KANK1: variants seen among roughly 807,000 people sequenced by gnomAD.
The protein encoded by KANK1 is KN motif and ankyrin repeat domains 1, also known as KN motif and ankyrin repeat domain-containing protein 1.
In KANK1, 109 loss-of-function variants were observed where a neutral mutation model predicts 106.2. The ratio of observed to expected loss-of-function variants is 1.03; its 90% confidence interval spans 0.88 to 1.20. The LOEUF (loss-of-function observed/expected upper bound fraction) is 1.20, where lower values mean the gene tolerates loss of function less well. Ranked by LOEUF, KANK1 falls within the 50% of genes most tolerant of loss-of-function variation. The pLI is 0.00. For synonymous variants in KANK1, 873 were observed against 652.2 expected (o/e 1.34, Z -5.16); for missense variants, 2,399 against 1,710.7 (o/e 1.40, Z -7.10).
chr9:581,841 T>A (rs1425467446), intron 1 of KANK1, among the ~76,000 whole-genome samples: 1 of 152,112 alleles, frequency 6.6e-6, no homozygotes, highest in Non-Finnish European at 1.5e-5. Flanking sequence ...TTTGTCAGCA[T>A]CCAGCCATCC....
chr9:606,142 T>TACACACACAC (rs3028170), intron 1 of KANK1, among the ~76,000 whole-genome samples: 15 of 141,754 alleles, frequency 1.1e-4, no homozygotes, highest in African/African-American at 3.6e-4. Context: ...CACATATTCC[T>TACACACACAC]ACACACACAC....
intron 3 of KANK1, among the ~76,000 whole-genome samples, chr9:729,145 C>T (rs920620227): frequency 3.3e-5 from 5 of 152,164 alleles, no homozygotes; most frequent in South Asian, 2.1e-4. Context: ...CAAATTGCTT[C>T]GGTCAGTATA....
intron 1 of KANK1, among the ~76,000 whole-genome samples, chr9:635,625 GA>G (rs1443967032): frequency 1.3e-5 from 2 of 149,168 alleles, no homozygotes; most frequent in Non-Finnish European, 3.0e-5. Context: ...AGTAGAATAA[GA>G]AAAAGTTAAT....
chr9:548,027 TCTTC>T (rs2061038879), intron 1 of KANK1, among the ~76,000 whole-genome samples: 1 of 152,212 alleles, frequency 6.6e-6, no homozygotes. Context: ...AAATCCATAA[TCTTC>T]CTTCATAACT....
At position 602,023 on chromosome 9, in the gene KANK1, G is replaced by T. The variant is rs188119683; in HGVS notation, c.-83-74867G>T. 3.3e-5 allele frequency among the ~76,000 whole-genome samples: 5 copies of T among 151,876 alleles called. No individual in the cohort carries two copies. In the East Asian group the frequency reaches 9.7e-4, roughly 29 times the overall value. Reference sequence around the variant, plus strand: ...CTGAAACTCGTTTTTAACACTTCTAGGTAGTCAGTCACTTTGATGTAAAGT... The same window carrying T: ...CTGAAACTCGTTTTTAACACTTCTATGTAGTCAGTCACTTTGATGTAAAGT... On this transcript the variant is annotated intron_variant, in intron 1 of 11. Coordinates refer to ENST00000382297, the MANE Select transcript of KANK1 (RefSeq NM_015158.5).
intron 3 of KANK1, among the ~76,000 whole-genome samples, chr9:482,675 G>A (rs115223678): frequency 1.5e-3 from 234 of 152,330 alleles, no homozygotes; most frequent in African/African-American, 5.3e-3. Flanking sequence ...ATATGGATGT[G>A]TAAATGCACC....
rs570931211 is a variant in KANK1 at position 683,893 on chromosome 9, G to A, written c.37+6884G>A. ...GTCTTTTGAAGGCTAATTTCACGCTGAAATTTATAGATGAAATAATTTTCT... is the reference window on the plus strand; with the variant it reads ...GTCTTTTGAAGGCTAATTTCACGCTAAAATTTATAGATGAAATAATTTTCT... On this transcript the variant is annotated intron_variant, in intron 2 of 11. Coordinates refer to ENST00000382297, the MANE Select transcript of KANK1 (RefSeq NM_015158.5). Among the ~76,000 whole-genome samples, 153 of 152,174 alleles carry A rather than the reference G, an allele frequency of 1.0e-3. 1 individual carries two copies. The highest frequency in any genetic ancestry group is 1.6e-3 in the Non-Finnish European group (111 of 68,034).
intron 1 of KANK1, among the ~76,000 whole-genome samples, chr9:656,834 C>G (rs555688662): frequency 5.3e-5 from 8 of 152,088 alleles, no homozygotes; most frequent in Non-Finnish European, 7.4e-5. Context: ...GCAGCTTGAC[C>G]TTTAGTGTGA....
chr9:522,980 A>G (rs1033413669), intron 1 of KANK1, among the ~76,000 whole-genome samples: 15 of 151,768 alleles, frequency 9.9e-5, no homozygotes, highest in Non-Finnish European at 2.2e-4. Context: ...TGGATAATGC[A>G]AAACATGATC....
chr9:588,068 G>GAA (rs200074474), intron 1 of KANK1, among the ~76,000 whole-genome samples: 2 of 46,168 alleles, frequency 4.3e-5, no homozygotes, highest in Non-Finnish European at 8.1e-5. Flanking sequence ...TTGGTCTCAA[G>GAA]AAAAAAAAAA....
At chr9:602,104 A>G (rs933645302) in intron 1 of KANK1, among the ~76,000 whole-genome samples, 1 of 151,966 alleles carries the variant, frequency 6.6e-6, no homozygotes, top group Non-Finnish European at 1.5e-5. Context: ...CCTGTAGAAA[A>G]ATAGGTTCTT....
chr9:699,011 C>T (rs1447121898), intron 2 of KANK1, among the ~76,000 whole-genome samples: 1 of 152,184 alleles, frequency 6.6e-6, no homozygotes, highest in Non-Finnish European at 1.5e-5. Context: ...GCAGTCTTTG[C>T]AAAGTCCTCT....
intron 1 of KANK1, among the ~76,000 whole-genome samples, chr9:636,728 A>G (rs772837336): frequency 2.0e-5 from 3 of 152,170 alleles, no homozygotes; most frequent in African/African-American, 4.8e-5. Flanking sequence ...TTAGCCAGAT[A>G]TGGTGGTGTG....
chr9:594,118 C>G (rs1825650971), intron 1 of KANK1, among the ~76,000 whole-genome samples: 1 of 151,882 alleles, frequency 6.6e-6, no homozygotes, highest in African/African-American at 2.4e-5. Flanking sequence ...CAGAAGTGCA[C>G]TTGTTGGGGG....
At chr9:474,854 C>G (rs1029554462) in intron 3 of KANK1, among the ~76,000 whole-genome samples, 13 of 152,158 alleles carry the variant, frequency 8.5e-5, no homozygotes, top group Non-Finnish European at 1.6e-4. Flanking sequence ...TTCAGTATCT[C>G]TGAGAATACC....
chr9:534,356 T>G (rs947574447), intron 1 of KANK1, among the ~76,000 whole-genome samples: 2 of 152,204 alleles, frequency 1.3e-5, no homozygotes, highest in Non-Finnish European at 2.9e-5. Context: ...TCTCAAAAAT[T>G]TGTGCCTTAA....
chr9:605,776 C>A (rs1171469864), intron 1 of KANK1, among the ~76,000 whole-genome samples: 1 of 151,670 alleles, frequency 6.6e-6, no homozygotes, highest in Non-Finnish European at 1.5e-5. Context: ...GGCCCGCTCT[C>A]CCTCAGTGCT....
chr9:672,904 T>A (rs983326017), intron 1 of KANK1, among the ~76,000 whole-genome samples: 4 of 152,200 alleles, frequency 2.6e-5, no homozygotes, highest in Non-Finnish European at 5.9e-5. Flanking sequence ...GTTTCTTTCT[T>A]AGCTAGGAGA....
At chr9:581,120 C>A (rs992069177) in intron 1 of KANK1, among the ~76,000 whole-genome samples, 1 of 152,164 alleles carries the variant, frequency 6.6e-6, no homozygotes, top group South Asian at 2.1e-4. Flanking sequence ...GGCCCGCGAG[C>A]GTTGTGTGCA....
Sources: gnomAD v4.1 joint callset for allele counts (sites outside exome capture counted in the v4.1 genomes callset) on GRCh38, gnomAD v4.1.1 for gene constraint, MANE v1.5 for transcripts, NCBI Gene and HGNC (gene_info 2026-07-23, HGNC 2026-07-21) for gene names.